RAB31: variants seen among roughly 807,000 people sequenced by gnomAD.
The protein encoded by RAB31 is ras-related protein Rab-31.
In RAB31, 21 loss-of-function variants were observed where a neutral mutation model predicts 25.6. The ratio of observed to expected loss-of-function variants is 0.82; its 90% CI spans 0.58 to 1.18. RAB31 has a LOEUF of 1.18. Ranked by LOEUF, RAB31 falls within the 50% of genes most tolerant of loss-of-function variation. The probability of loss-of-function intolerance (pLI) is 0.00; values close to 1 mark genes in which losing one functional copy is unlikely to be tolerated. For synonymous variants in RAB31, 87 were observed against 84.0 expected, an observed-to-expected ratio of 1.04 and a Z score of -0.20; for missense variants, 196 against 250.1, an observed-to-expected ratio of 0.78 and a Z score of 1.46.
intron 2 of RAB31, among the ~76,000 whole-genome samples, chr18:9,790,822 C>T (rs2068456069): frequency 6.6e-6 from 1 of 152,158 alleles, no homozygotes; most frequent in African/African-American, 2.4e-5. Flanking sequence ...CTTCTTATTC[C>T]ATCACTTCAG....
chr18:9,796,431 T>TA (rs1422855209), intron 3 of RAB31, among the ~76,000 whole-genome samples: 1 of 152,202 alleles, frequency 6.6e-6, no homozygotes, highest in Non-Finnish European at 1.5e-5. Flanking sequence ...AAAATATAGC[T>TA]AAAATATGCA....
intron 1 of RAB31, among the ~76,000 whole-genome samples, chr18:9,719,255 G>GCTGTCT (rs1273472634): frequency 1.1e-5 from 1 of 92,468 alleles, no homozygotes; most frequent in African/African-American, 4.5e-5. Context: ...GGGTGACAGA[G>GCTGTCT]CAAGACTCTG....
chr18:9,765,067 C>T (rs2068308812), intron 1 of RAB31, among the ~76,000 whole-genome samples: 1 of 152,072 alleles, frequency 6.6e-6, no homozygotes, highest in African/African-American at 2.4e-5. Context: ...ATTCTCTTGC[C>T]TCAGCCTCCC....
At chr18:9,779,714 C>G (rs755652671) in intron 2 of RAB31, among the ~76,000 whole-genome samples, 4 of 152,166 alleles carry the variant, frequency 2.6e-5, no homozygotes, top group Non-Finnish European at 4.4e-5. Context: ...AGGTCACAAC[C>G]CTTACCTCAC....
chr18:9,767,752 G>A (rs2068323542), intron 1 of RAB31, among the ~76,000 whole-genome samples: 1 of 151,918 alleles, frequency 6.6e-6, no homozygotes, highest in Non-Finnish European at 1.5e-5. Flanking sequence ...TAAGTTCTGG[G>A]ACACATGTGC....
intron 1 of RAB31, among the ~76,000 whole-genome samples, chr18:9,737,879 C>T (rs1041768437): frequency 3.3e-5 from 5 of 152,156 alleles, no homozygotes; most frequent in Admixed American, 3.3e-4. Flanking sequence ...CCCCCTTCTG[C>T]TTTTAAAAGC....
intron 1 of RAB31, among the ~76,000 whole-genome samples, chr18:9,768,141 T>A (rs2068325820): frequency 6.6e-6 from 1 of 152,208 alleles, no homozygotes; most frequent in Admixed American, 6.5e-5. Context: ...TCTTTGCTAT[T>A]GTGAACAGTG....
At chr18:9,730,044 A>C (rs1296885786) in intron 1 of RAB31, among the ~76,000 whole-genome samples, 1 of 152,240 alleles carries the variant, frequency 6.6e-6, no homozygotes, top group Non-Finnish European at 1.5e-5. Context: ...ATGATCGTAC[A>C]TAAAATAACT....
chr18:9,822,300 T>G (rs2143091392), intron 5 of RAB31, among the ~76,000 whole-genome samples: 1 of 152,284 alleles, frequency 6.6e-6, no homozygotes, highest in East Asian at 1.9e-4. Flanking sequence ...TATATAAAAT[T>G]AGTCTAAAAT....
At chr18:9,774,696 C>G (rs1044600676) in intron 1 of RAB31, among the ~76,000 whole-genome samples, 2 of 152,160 alleles carry the variant, frequency 1.3e-5, no homozygotes, top group African/African-American at 4.8e-5. Flanking sequence ...TAATTGGACC[C>G]TCGTCATAAT....
At chr18:9,765,250 G>A (rs1449348524) in intron 1 of RAB31, among the ~76,000 whole-genome samples, 1 of 152,164 alleles carries the variant, frequency 6.6e-6, no homozygotes, top group Non-Finnish European at 1.5e-5. Flanking sequence ...CACCACACCC[G>A]GCTGCCCAGA....
chr18:9,784,641 C>T (rs961723642), intron 2 of RAB31, among the ~76,000 whole-genome samples: 1 of 151,130 alleles, frequency 6.6e-6, no homozygotes, highest in Non-Finnish European at 1.5e-5. Flanking sequence ...CAACCTCTGA[C>T]TCCTAGGCTC....
At chr18:9,709,395 C>T (rs901078806) in intron 1 of RAB31, among the ~76,000 whole-genome samples, 1 of 152,142 alleles carries the variant, frequency 6.6e-6, no homozygotes. Context: ...TGTACCCGCC[C>T]GTGTCATTGG....
intron 1 of RAB31, among the ~76,000 whole-genome samples, chr18:9,720,058 G>A (rs2068066759): frequency 1.3e-5 from 2 of 152,044 alleles, no homozygotes; most frequent in Non-Finnish European, 2.9e-5. Flanking sequence ...CCGCCTCCTG[G>A]GTTCAAGCAA....
At chr18:9,721,111 A>G (rs550460244) in intron 1 of RAB31, among the ~76,000 whole-genome samples, 2 of 152,242 alleles carry the variant, frequency 1.3e-5, no homozygotes, top group Admixed American at 6.5e-5. Flanking sequence ...GGTCTAGGAA[A>G]GTTATGAGCC....
chr18:9,805,874 C>A (rs1247526726), intron 3 of RAB31, among the ~76,000 whole-genome samples: 1 of 152,178 alleles, frequency 6.6e-6, no homozygotes, highest in Non-Finnish European at 1.5e-5. Flanking sequence ...TCTTTTCCAC[C>A]ATTTAAGAGC....
rs2068317474 is a variant in RAB31, at chr18:9,766,563, T to C, written c.40-8715T>C. Among the ~76,000 whole-genome samples, 1 of 152,246 alleles carries C rather than the reference T, an allele frequency of 6.6e-6. No individual in the cohort carries two copies. ...GCAGACTTCTGCCTGTTTCTCTCTT[T>C]ATGTTATTTCTTTATGCCCACAAGG... On this transcript the variant is annotated intron_variant, in intron 1 of 6. Transcript: ENST00000578921. The surrounding 1 kb of genome is among the most constrained non-coding windows in gnomAD (Gnocchi z 4.3).
At chr18:9,755,272 A>G (rs2068255240) in intron 1 of RAB31, among the ~76,000 whole-genome samples, 1 of 152,136 alleles carries the variant, frequency 6.6e-6, no homozygotes, top group Admixed American at 6.6e-5. Context: ...TTTTGTCTTG[A>G]TGTCTGTGAC....
intron 6 of RAB31, among the ~76,000 whole-genome samples, chr18:9,854,543 C>T (rs1361740058): frequency 6.6e-6 from 1 of 152,194 alleles, no homozygotes; most frequent in Admixed American, 6.5e-5. Context: ...TAACCCCTGA[C>T]CTGGGCTTTC....
Sources: allele counts gnomAD v4.1 joint callset (sites outside exome capture counted in the v4.1 genomes callset), GRCh38; gene constraint gnomAD v4.1.1; non-coding constraint Gnocchi (gnomAD v3.1); transcripts MANE v1.5; gene names NCBI Gene and HGNC (gene_info 2026-07-23, HGNC 2026-07-21).